PADI6: variants seen among roughly 807,000 people sequenced by gnomAD.
PADI6 encodes inactive protein-arginine deiminase type-6.
A neutral mutation model predicts 78.2 loss-of-function variants in PADI6; 66 were observed. That is an observed-to-expected ratio of 0.84 (90% CI 0.69 to 1.04). The LOEUF is 1.04. Ranked by LOEUF, PADI6 falls within the 50% of genes least tolerant of loss-of-function variation. The pLI is 0.00. For missense variants in PADI6, 854 were observed against 866.1 expected (o/e 0.99, Z 0.18); for synonymous variants, 397 against 346.9 (o/e 1.14, Z -1.60).
Position 17,394,056 on chromosome 1 carries a change from G to GT in PADI6, c.1156_1157insT (p.Asp386ValfsTer2), listed in dbSNP as rs1226375990. The GT allele has an allele frequency of 6.2e-7, 1 of 1,613,742 alleles. No homozygotes were observed. Among genetic ancestry groups the GT allele is most frequent in the Non-Finnish European group, 8.5e-7 (1 of 1,179,832 alleles). On this transcript the variant is annotated frameshift_variant, in exon 10 of 16. Transcript: ENST00000619609. LOFTEE classifies it high-confidence loss of function. ...CGACACACCTCAGGCCGCCGATCTC[G>GT]ATGAGTTCCCCATGAAGTACTCACT...
intron 11 of PADI6, 92 bp downstream of exon 11, chr1:17,394,546 C>T (rs952984311): frequency 1.5e-6 from 2 of 1,352,390 alleles, no homozygotes; most frequent in Non-Finnish European, 2.0e-6. Context: ...CTCAGCAGGT[C>T]ACACACACTG....
chr1:17,379,715 G>C (rs1167206429), intron 3 of PADI6, among the ~76,000 whole-genome samples: 1 of 152,238 alleles, frequency 6.6e-6, no homozygotes, highest in Admixed American at 6.5e-5. Context: ...GTTTGGGGTA[G>C]ACATTTGACT....
In PADI6 at chr1:17,398,697, C is replaced by T. The variant is rs749979330; in HGVS notation, c.1701C>T (p.His567=). ...CCACCCACCCACAGAAGTGCATTCA[C>T]CTGAACCGTGACATCCTGAAGACGG... is the stretch of plus-strand genomic sequence containing the variant. ...KQNEYVEKCI[H]LNRDILKTEL... The change falls in exon 15 of 16, where the codon CAC becomes CAT. Residue 567 remains histidine, a synonymous_variant. Transcript: ENST00000619609. 1 of 1,142,510 alleles carries T rather than the reference C, an allele frequency of 8.8e-7. No individual in the cohort carries two copies. The highest frequency in any genetic ancestry group is 1.2e-6 in the Non-Finnish European group (1 of 844,688). 70.8% of individuals were successfully genotyped at this position (1,142,510 alleles called of 1,614,324 possible).
At chr1:17,385,856 C>T (rs2075114048) in intron 6 of PADI6, among the ~76,000 whole-genome samples, 1 of 152,140 alleles carries the variant, frequency 6.6e-6, no homozygotes, top group South Asian at 2.1e-4. Context: ...AGAAGGGTAC[C>T]CACCTTCCTG....
intron 4 of PADI6, among the ~76,000 whole-genome samples, 175 bp from the exon 5 acceptor site, chr1:17,380,872 C>T (rs1320226437): frequency 6.6e-6 from 1 of 152,174 alleles, no homozygotes. Flanking sequence ...CTCTTAGCCT[C>T]CTTACCTGAC....
chr1:17,377,377 A>G (rs1469867155), intron 3 of PADI6, among the ~76,000 whole-genome samples: 1 of 150,484 alleles, frequency 6.6e-6, no homozygotes, highest in Non-Finnish European at 1.5e-5. Context: ...TTTGGAGCTC[A>G]GAGGAGCTCT....
intron 3 of PADI6, among the ~76,000 whole-genome samples, chr1:17,377,072 G>T (rs1458898349): frequency 6.6e-6 from 1 of 151,914 alleles, no homozygotes; most frequent in African/African-American, 2.4e-5. Flanking sequence ...TCCCTATGTT[G>T]CCCAGGCTCC....
At position 17,388,302 on chromosome 1, in the gene PADI6, T is replaced by A. The variant is rs976008370; in HGVS notation, c.680-79T>A. On this transcript the variant is annotated intron_variant, in intron 6 of 15. Coordinates refer to ENST00000619609, the MANE Select transcript of PADI6 (RefSeq NM_207421.4). ...ACAGCCTTGCATCTGATATGAGGAA[T>A]GAGCTGGTACCTTGACCATCAAATG... is the stretch of plus-strand genomic sequence containing the variant. 20 of 1,322,182 alleles carry A rather than the reference T, an allele frequency of 1.5e-5. No homozygotes were observed. In the African/African-American group the frequency reaches 2.7e-4, roughly 18 times the overall value. 81.9% of individuals were successfully genotyped at this position (1,322,182 alleles called of 1,614,324 possible). A position where few individuals can be genotyped will look rare whatever the true frequency, so the allele number is the denominator to read the frequency against.
chr1:17,381,416 CCTGAT>C lies in PADI6; in HGVS notation c.553+255_553+259del, dbSNP rs532472954. Among the ~76,000 whole-genome samples, 10 of 152,302 alleles carry C rather than the reference CCTGAT, an allele frequency of 6.6e-5. 1 individual carries two copies. In the South Asian group the frequency reaches 1.0e-3, roughly 16 times the overall value. Reference sequence around the variant, plus strand: ...CTGTGAACTTGAGCACACTAACTTCCCTGATCTTGTTTCCCTATTTGTAAAATGGG... The same window carrying C: ...CTGTGAACTTGAGCACACTAACTTCCCTTGTTTCCCTATTTGTAAAATGGG... On this transcript the variant is annotated intron_variant, in intron 5 of 15. Coordinates refer to ENST00000619609, the MANE Select transcript of PADI6 (RefSeq NM_207421.4).
At position 17,388,518 on chromosome 1, in the gene PADI6, A is replaced by G. The variant is rs553703631; in HGVS notation, c.817A>G (p.Ile273Val). 1.2e-6 allele frequency: 2 copies of G among 1,613,348 alleles called. No homozygotes were observed. Among genetic ancestry groups the G allele is most frequent in the East Asian group, 4.5e-5 (2 of 44,884 alleles). The change falls in exon 7 of 16, where the codon ATC becomes GTC. Residue 273 changes from isoleucine (I) to valine (V), a missense_variant. Physicochemically the swap from Ile to Val is conservative, Grantham distance 29. Transcript: ENST00000619609. ...CCCATCTGCCGAATTCTCAGGCCTC[A>G]TCTCCTACTCTGTGTCCCTGGTGGA... is the stretch of plus-strand genomic sequence containing the variant. The part of the protein sequence containing the change: ...AFPSAEFSGL[I>V]SYSVSLVEES...
At position 17,388,685 on chromosome 1, in the gene PADI6, T is replaced by G. The variant is rs1220599701; in HGVS notation, c.859-92T>G. On this transcript the variant is annotated intron_variant, in intron 7 of 15. Coordinates refer to ENST00000619609, the MANE Select transcript of PADI6 (RefSeq NM_207421.4). ...CTGCAGAAGGCAAGTGGGGCCCAGCTGGGGGCCGGACTGAACGGCCGGAAC... is the reference window on the plus strand; with the variant it reads ...CTGCAGAAGGCAAGTGGGGCCCAGCGGGGGGCCGGACTGAACGGCCGGAAC... The G allele has an allele frequency of 3.4e-6, 5 of 1,468,436 alleles. No homozygotes were observed. The Admixed American group carries it at 6.0e-5, about 18-fold the overall frequency. 91.0% of individuals were successfully genotyped at this position (1,468,436 alleles called of 1,614,324 possible).
Position 17,401,590 on chromosome 1 carries a change from G to A in PADI6, c.*152G>A. The A allele has an allele frequency of 1.4e-6, 1 of 704,128 alleles. No individual in the cohort carries two copies. The highest frequency in any genetic ancestry group is 1.9e-5 in the South Asian group (1 of 52,088). The allele number at this position is 704,128 out of a possible 1,614,324, so 43.6% of individuals were successfully genotyped here. ...CTGCCCCGACCGACCCTCGGACCCA[G>A]TAGGATGGCAAATGCCGCCAGCTTG... On this transcript the variant is annotated 3_prime_UTR_variant, in exon 16 of 16. Coordinates refer to ENST00000619609, the MANE Select transcript of PADI6 (RefSeq NM_207421.4).
intron 13 of PADI6, 45 bp downstream of exon 13, chr1:17,395,708 T>C: frequency 1.3e-6 from 2 of 1,571,540 alleles, no homozygotes; most frequent in Non-Finnish European, 1.7e-6. Flanking sequence ...GGTCTTCCTT[T>C]TTCCAGGGGT....
rs2075192816 is a variant in PADI6 at position 17,392,197 on chromosome 1, AC to A, written c.1050del (p.Asn351ThrfsTer25). The A allele has an allele frequency of 5.8e-6, 9 of 1,557,866 alleles. No homozygotes were observed. The highest frequency in any genetic ancestry group is 7.8e-6 in the Non-Finnish European group (9 of 1,150,624). ...AGCCAGGTGGCATCTGTCTATGAGGACCCCAACCGCCTGGGCAGGTGGCTCC... is the reference window on the plus strand; with the variant it reads ...AGCCAGGTGGCATCTGTCTATGAGGACCCAACCGCCTGGGCAGGTGGCTCC... The part of the protein sequence containing the change: ...SNSQVASVYE[D>X]PNRLGRWLQD... On this transcript the variant is annotated frameshift_variant, in exon 9 of 16. Transcript: ENST00000619609. LOFTEE classifies it high-confidence loss of function.
intron 3 of PADI6, among the ~76,000 whole-genome samples, chr1:17,377,910 C>T (rs1042651194): frequency 2.6e-5 from 4 of 152,192 alleles, no homozygotes; most frequent in Admixed American, 2.6e-4. Flanking sequence ...TTCCACGTTG[C>T]TTGGATTAAA....
At chr1:17,398,480 G>A (rs771720421) in intron 14 of PADI6, among the ~76,000 whole-genome samples, 11 of 152,148 alleles carry the variant, frequency 7.2e-5, no homozygotes, top group East Asian at 1.9e-4. Context: ...GGCCATTCCT[G>A]AGCCCCTACT....
chr1:17,392,658 C>T (rs2075199435), intron 9 of PADI6, among the ~76,000 whole-genome samples: 1 of 152,172 alleles, frequency 6.6e-6, no homozygotes, highest in Non-Finnish European at 1.5e-5. Context: ...TCCTGAGCAC[C>T]AGAGATAAAC....
In PADI6 at chr1:17,395,925, G is replaced by A. The variant is rs555700340; in HGVS notation, c.1618+262G>A. On this transcript the variant is annotated intron_variant, in intron 13 of 15. Coordinates refer to ENST00000619609, the MANE Select transcript of PADI6 (RefSeq NM_207421.4). Reference sequence around the variant, plus strand: ...ACTTAGTACATAGGTGGCCCCAAGTGGGGGGAAAACGGGTGTTAACAATGC... The same window carrying A: ...ACTTAGTACATAGGTGGCCCCAAGTAGGGGGAAAACGGGTGTTAACAATGC... Among the ~76,000 whole-genome samples, 597 of 152,250 alleles carry A rather than the reference G, an allele frequency of 3.9e-3. 5 individuals carry two copies. The highest frequency in any genetic ancestry group is 6.3e-3 in the Non-Finnish European group (427 of 68,032).
At chr1:17,400,565 A>G (rs1244075015) in intron 15 of PADI6, among the ~76,000 whole-genome samples, 1 of 152,176 alleles carries the variant, frequency 6.6e-6, no homozygotes, top group Non-Finnish European at 1.5e-5. Context: ...CTAAACCAGA[A>G]GTTATAGTCA....
Sources: gnomAD v4.1 joint callset for allele counts (sites outside exome capture counted in the v4.1 genomes callset) on GRCh38, gnomAD v4.1.1 for gene constraint, MANE v1.5 for transcripts, NCBI Gene and HGNC (gene_info 2026-07-23, HGNC 2026-07-21) for gene names.